Variants in ZNF385D observed in about 807,000 individuals in gnomAD.
The protein encoded by ZNF385D is zinc finger protein 385D, also known as zinc finger protein 659.
In ZNF385D, 15 loss-of-function variants were observed where a neutral mutation model predicts 35.8. That is an observed-to-expected ratio of 0.42 (90% CI 0.28 to 0.64). The LOEUF (loss-of-function observed/expected upper bound fraction) is 0.64, where lower values mean the gene tolerates loss of function less well. Ranked by LOEUF, ZNF385D falls within the 30% of genes least tolerant of loss-of-function variation. ZNF385D has a pLI of 0.23. For missense variants in ZNF385D, 474 were observed against 494.6 expected, an observed-to-expected ratio of 0.96 and a Z score of 0.39; for synonymous variants, 212 against 186.8, an observed-to-expected ratio of 1.13 and a Z score of -1.10.
chr3:21,587,359 G>T (rs11708720), intron 2 of ZNF385D, among the ~76,000 whole-genome samples: 19,733 of 152,178 alleles, frequency 0.13, 1,375 homozygotes, highest in East Asian at 0.16. Context: ...TCAGCCTGTA[G>T]CAACTGGAAG....
At chr3:21,647,750 C>G (rs1312598349) in intron 2 of ZNF385D, among the ~76,000 whole-genome samples, 3 of 152,016 alleles carry the variant, frequency 2.0e-5, no homozygotes, top group Non-Finnish European at 4.4e-5. Context: ...TTAAATGTAG[C>G]TTTAAAAACC....
At chr3:21,813,143 G>C (rs920037556) in intron 3 of ZNF385D, among the ~76,000 whole-genome samples, 1 of 152,206 alleles carries the variant, frequency 6.6e-6, no homozygotes, top group Non-Finnish European at 1.5e-5. Context: ...CTGACTGTTA[G>C]AAGGAAAACT....
chr3:21,985,408 G>C (rs1694750059), intron 3 of ZNF385D, among the ~76,000 whole-genome samples: 2 of 116,188 alleles, frequency 1.7e-5, no homozygotes, highest in Admixed American at 1.6e-4. Flanking sequence ...GGCTTTTTCT[G>C]CATCTATTGA....
intron 1 of ZNF385D, among the ~76,000 whole-genome samples, chr3:21,670,220 C>T (rs2066522937): frequency 1.3e-5 from 2 of 151,928 alleles, no homozygotes; most frequent in African/African-American, 4.8e-5. Flanking sequence ...CTTTTCCCTA[C>T]ATCATCAACT....
At chr3:22,078,897 T>C (rs1271865161) in intron 3 of ZNF385D, among the ~76,000 whole-genome samples, 1 of 152,096 alleles carries the variant, frequency 6.6e-6, no homozygotes, top group African/African-American at 2.4e-5. Flanking sequence ...AATAATGTTA[T>C]TTCTAACAAA....
At chr3:21,607,603 C>T (rs938690834) in intron 2 of ZNF385D, among the ~76,000 whole-genome samples, 1 of 152,074 alleles carries the variant, frequency 6.6e-6, no homozygotes, top group Non-Finnish European at 1.5e-5. Flanking sequence ...TCCTTTGGTT[C>T]TTGAAGAGAC....
At chr3:22,040,008 T>C (rs1378645057) in intron 3 of ZNF385D, among the ~76,000 whole-genome samples, 1 of 152,110 alleles carries the variant, frequency 6.6e-6, no homozygotes, top group African/African-American at 2.4e-5. Flanking sequence ...GGCCTCCTGC[T>C]CCCGCCATGC....
At chr3:22,359,649 G>C (rs1385113495) in intron 2 of ZNF385D, among the ~76,000 whole-genome samples, 1 of 151,750 alleles carries the variant, frequency 6.6e-6, no homozygotes, top group African/African-American at 2.4e-5. Flanking sequence ...AAACAGCCTT[G>C]GTATTGAGAG....
At chr3:21,966,211 T>G (rs188358144) in intron 3 of ZNF385D, among the ~76,000 whole-genome samples, 1 of 152,218 alleles carries the variant, frequency 6.6e-6, no homozygotes, top group African/African-American at 2.4e-5. Flanking sequence ...GGACTTTAGG[T>G]AGAATGATGT....
chr3:21,928,010 G>T (rs766467109), intron 3 of ZNF385D, among the ~76,000 whole-genome samples: 1 of 152,082 alleles, frequency 6.6e-6, no homozygotes, highest in African/African-American at 2.4e-5. Flanking sequence ...GTTCACTTGA[G>T]CACAGGAGAT....
intron 2 of ZNF385D, among the ~76,000 whole-genome samples, chr3:22,294,512 T>G (rs1044282991): frequency 6.6e-6 from 1 of 152,150 alleles, no homozygotes; most frequent in Non-Finnish European, 1.5e-5. Flanking sequence ...TAGGGAATGT[T>G]TTTTATTTCC....
intron 1 of ZNF385D, among the ~76,000 whole-genome samples, chr3:21,732,486 T>TA (rs1359844784): frequency 6.6e-6 from 1 of 152,210 alleles, no homozygotes; most frequent in Non-Finnish European, 1.5e-5. Context: ...AACGTGCCTG[T>TA]AGCATTTTGT....
intron 2 of ZNF385D, among the ~76,000 whole-genome samples, chr3:22,324,306 T>C (rs1559520321): frequency 6.6e-6 from 1 of 152,242 alleles, no homozygotes; most frequent in East Asian, 1.9e-4. Context: ...TTGTAACTAG[T>C]ATTAAGCAGT....
intron 3 of ZNF385D, among the ~76,000 whole-genome samples, chr3:21,898,015 T>C (rs1699220047): frequency 1.3e-5 from 2 of 152,172 alleles, no homozygotes; most frequent in Non-Finnish European, 2.9e-5. Context: ...AGGTTTATTT[T>C]ATAAACATAG....
In ZNF385D at chr3:21,780,437, C is replaced by T. The variant is rs113739709; in HGVS notation, c.326-115409G>A. ...TTTTGTTTCTACTGCGCAGCCCTCA[C>T]GTTCTTTCTCAATATCTTCCTTATG... On this transcript the variant is annotated intron_variant, in intron 3 of 5. Transcript: ENST00000494108. 7.2e-3 allele frequency among the ~76,000 whole-genome samples: 1,090 copies of T among 152,070 alleles called. 16 individuals carry two copies. The highest frequency in any genetic ancestry group is 0.025 in the African/African-American group (1,037 of 41,498).
At chr3:21,525,492 A>G (rs1371876261) in intron 3 of ZNF385D, among the ~76,000 whole-genome samples, 1 of 152,010 alleles carries the variant, frequency 6.6e-6, no homozygotes, top group African/African-American at 2.4e-5. Context: ...GTTCGAGACC[A>G]GCCTCAACAT....
chr3:21,845,024 G>T (rs1272953111), intron 3 of ZNF385D, among the ~76,000 whole-genome samples: 2 of 144,362 alleles, frequency 1.4e-5, no homozygotes, highest in African/African-American at 4.9e-5. Context: ...ATAAATAAGA[G>T]AAGAAAAAGA....
chr3:21,898,951 C>T lies in ZNF385D; in HGVS notation c.326-233923G>A, dbSNP rs185338666. On this transcript the variant is annotated intron_variant, in intron 3 of 5. Transcript: ENST00000494108. ...TCTCCTCACGTCTCATTGGCCAGAA[C>T]GGGGTCACATGCCATTTTCCCCATT... Among the ~76,000 whole-genome samples the T allele has an allele frequency of 3.9e-4, 60 of 152,218 alleles. 1 individual carries two copies. Among genetic ancestry groups the T allele is most frequent in the Admixed American group, 7.9e-4 (12 of 15,260 alleles).
chr3:22,257,803 G>C (rs1700391473), intron 2 of ZNF385D, among the ~76,000 whole-genome samples: 1 of 151,784 alleles, frequency 6.6e-6, no homozygotes, highest in Admixed American at 6.6e-5. Flanking sequence ...TATCAGGCAT[G>C]ATTAAAATGC....
Sources: allele counts gnomAD v4.1 joint callset (sites outside exome capture counted in the v4.1 genomes callset), GRCh38; gene constraint gnomAD v4.1.1; transcripts MANE v1.5; gene names NCBI Gene and HGNC (gene_info 2026-07-23, HGNC 2026-07-21).